The following SCAPER variants were observed in gnomAD, a reference collection of about 807,000 sequenced individuals.
SCAPER encodes S-phase cyclin A associated protein in the ER, also known as S phase cyclin A-associated protein in the endoplasmic reticulum.
A neutral mutation model predicts 182.2 loss-of-function variants in SCAPER; 98 were observed. The ratio of observed to expected loss-of-function variants is 0.54; its 90% CI spans 0.46 to 0.64. The LOEUF is 0.64. Ranked by LOEUF, SCAPER falls within the 30% of genes least tolerant of loss-of-function variation. The pLI, the probability that SCAPER is intolerant of heterozygous loss-of-function variation, is 0.00. For synonymous variants in SCAPER, 605 were observed against 564.6 expected, an observed-to-expected ratio of 1.07 and a Z score of -1.01; for missense variants, 1,432 against 1,690.0, an observed-to-expected ratio of 0.85 and a Z score of 2.68.
intron 22 of SCAPER, among the ~76,000 whole-genome samples, chr15:76,577,224 T>C (rs1207112420): frequency 6.6e-6 from 1 of 152,020 alleles, no homozygotes; most frequent in Non-Finnish European, 1.5e-5. Context: ...GGCAAGCGGA[T>C]TGCTTGGGCC....
intron 20 of SCAPER, among the ~76,000 whole-genome samples, chr15:76,686,558 T>C (rs1480328244): frequency 6.6e-6 from 1 of 152,112 alleles, no homozygotes; most frequent in African/African-American, 2.4e-5. Context: ...CCCTTAGGTA[T>C]ATACCCAAGG....
At chr15:76,837,709 A>G (rs1653305765) in intron 5 of SCAPER, among the ~76,000 whole-genome samples, 2 of 152,228 alleles carry the variant, frequency 1.3e-5, no homozygotes, top group African/African-American at 2.4e-5. Flanking sequence ...ACCATCTCAC[A>G]TCAGTCAGAA....
At chr15:76,694,467 T>C (rs1731493682) in intron 20 of SCAPER, among the ~76,000 whole-genome samples, 1 of 152,136 alleles carries the variant, frequency 6.6e-6, no homozygotes, top group Non-Finnish European at 1.5e-5. Context: ...CAAATCATTA[T>C]GTTGTGTACA....
At chr15:76,561,080 AG>A (rs2046582383) in intron 23 of SCAPER, among the ~76,000 whole-genome samples, 1 of 152,118 alleles carries the variant, frequency 6.6e-6, no homozygotes, top group African/African-American at 2.4e-5. Context: ...GGTTAAAAAC[AG>A]TAAGTATTTA....
intron 24 of SCAPER, among the ~76,000 whole-genome samples, chr15:76,496,699 A>G (rs535413509): frequency 6.6e-6 from 1 of 152,302 alleles, no homozygotes; most frequent in African/African-American, 2.4e-5. Flanking sequence ...GTTCATAAAG[A>G]AATGTACCCT....
At chr15:76,669,122 G>A (rs926136995) in intron 20 of SCAPER, among the ~76,000 whole-genome samples, 6 of 152,044 alleles carry the variant, frequency 3.9e-5, no homozygotes, top group African/African-American at 1.4e-4. Context: ...CCACATTCTT[G>A]ACTACTACCT....
chr15:76,524,887 TG>T (rs1567348448), intron 23 of SCAPER, among the ~76,000 whole-genome samples: 1 of 152,024 alleles, frequency 6.6e-6, no homozygotes, highest in Non-Finnish European at 1.5e-5. Flanking sequence ...CCCCTTAAAA[TG>T]TGAAAAATTA....
chr15:76,671,560 G>C (rs1456837729), intron 20 of SCAPER, among the ~76,000 whole-genome samples: 1 of 152,094 alleles, frequency 6.6e-6, no homozygotes, highest in African/African-American at 2.4e-5. Flanking sequence ...ACAAGGTCAG[G>C]AGATTGAGAC....
chr15:76,793,256 T>G, intron 8 of SCAPER: 1 of 1,039,538 alleles, frequency 9.6e-7, no homozygotes, highest in Non-Finnish European at 1.5e-6. Flanking sequence ...AAATATATAT[T>G]TGGTCTTCAT....
chr15:76,818,328 C>G (rs902222912), intron 5 of SCAPER, among the ~76,000 whole-genome samples: 1 of 152,066 alleles, frequency 6.6e-6, no homozygotes, highest in African/African-American at 2.4e-5. Context: ...CTGTAAAATA[C>G]AAAACTATAC....
intron 25 of SCAPER, among the ~76,000 whole-genome samples, chr15:76,457,948 C>A (rs1181850621): frequency 6.6e-6 from 1 of 151,030 alleles, no homozygotes; most frequent in Non-Finnish European, 1.5e-5. Flanking sequence ...TCTAGTAGTG[C>A]AGGTCTGTTG....
chr15:76,406,180 A>G (rs1472744416), intron 26 of SCAPER, among the ~76,000 whole-genome samples: 2 of 151,868 alleles, frequency 1.3e-5, no homozygotes, highest in Non-Finnish European at 2.9e-5. Context: ...TTCAATTTAG[A>G]AAGTGTTTTG....
chr15:76,466,757 T>C (rs1392149642), intron 25 of SCAPER, among the ~76,000 whole-genome samples: 1 of 147,090 alleles, frequency 6.8e-6, no homozygotes, highest in Non-Finnish European at 1.5e-5. Context: ...TGGGGGCCTC[T>C]GAAAACTTTG....
chr15:76,696,514 CAG>C (rs1456216726), intron 20 of SCAPER, among the ~76,000 whole-genome samples: 1 of 151,886 alleles, frequency 6.6e-6, no homozygotes, highest in African/African-American at 2.4e-5. Flanking sequence ...AGGTAACAAA[CAG>C]AGCTTGTACA....
At chr15:76,395,145 G>A (rs138913346) in intron 27 of SCAPER, among the ~76,000 whole-genome samples, 104 of 152,206 alleles carry the variant, frequency 6.8e-4, no homozygotes, top group African/African-American at 2.3e-3. Flanking sequence ...CAATGACCTC[G>A]AATTTCATCC....
intron 6 of SCAPER, among the ~76,000 whole-genome samples, chr15:76,800,595 G>A (rs1226417737): frequency 1.1e-4 from 16 of 152,158 alleles, no homozygotes; most frequent in Non-Finnish European, 1.5e-5. Context: ...ACCGACTGCA[G>A]CACAGCAACA....
intron 17 of SCAPER, among the ~76,000 whole-genome samples, chr15:76,713,946 A>G (rs528155983): frequency 1.3e-5 from 2 of 152,324 alleles, no homozygotes; most frequent in African/African-American, 4.8e-5. Context: ...CATCCATATC[A>G]GCTTTATCTG....
chr15:76,492,639 G>A (rs1389077560), intron 24 of SCAPER, among the ~76,000 whole-genome samples: 2 of 152,278 alleles, frequency 1.3e-5, no homozygotes, highest in South Asian at 4.2e-4. Context: ...GATAAAACTA[G>A]AAGATATTAA....
At chr15:76,519,029 TTTAA>T (rs1296239518) in intron 23 of SCAPER, among the ~76,000 whole-genome samples, 3 of 152,332 alleles carry the variant, frequency 2.0e-5, no homozygotes, top group Non-Finnish European at 1.5e-5. Context: ...AACTGAAACA[TTTAA>T]AAGGCTGCTC....
Sources: allele counts gnomAD v4.1 joint callset (sites outside exome capture counted in the v4.1 genomes callset), GRCh38; gene constraint gnomAD v4.1.1; transcripts MANE v1.5; gene names NCBI Gene and HGNC (gene_info 2026-07-23, HGNC 2026-07-21).